CCDC80: variants seen among roughly 807,000 people sequenced by gnomAD.
The protein encoded by CCDC80 is coiled-coil domain-containing protein 80.
CCDC80 carries 49 observed loss-of-function variants against 78.7 expected under a neutral mutation model. That is an observed-to-expected ratio of 0.62 (90% CI 0.50 to 0.79). The LOEUF (loss-of-function observed/expected upper bound fraction) is 0.79, where lower values mean the gene tolerates loss of function less well. CCDC80 is among the 30% of genes least tolerant of loss of function. The pLI is 0.00. For synonymous variants in CCDC80, 488 were observed against 447.0 expected (o/e 1.09, Z -1.16); for missense variants, 1,205 against 1,198.6 (o/e 1.01, Z -0.08).
At chr3:112,622,714 G>C (rs544446992) in intron 3 of CCDC80, among the ~76,000 whole-genome samples, 50 of 152,036 alleles carry the variant, frequency 3.3e-4, no homozygotes, top group South Asian at 1.9e-3. Flanking sequence ...GGAGTGCAGT[G>C]GTGCAATCTT....
intron 6 of CCDC80, among the ~76,000 whole-genome samples, chr3:112,609,389 G>T (rs748157676): frequency 6.6e-6 from 1 of 152,066 alleles, no homozygotes; most frequent in Non-Finnish European, 1.5e-5. Context: ...TCTTTGGCCT[G>T]CTTGTCTTTA....
chr3:112,607,087 A>C, intron 7 of CCDC80, 89 bp downstream of exon 7: 106 of 930,618 alleles, frequency 1.1e-4, no homozygotes, highest in Middle Eastern at 2.2e-4. Flanking sequence ...TGTTCACCTT[A>C]GAGATACACC....
At position 112,601,751 on chromosome 3, in the gene CCDC80, T is replaced by G. The variant is rs1472144177; in HGVS notation, c.*3666A>C. The G allele has an allele frequency of 6.6e-6, 1 of 151,714 alleles. No individual in the cohort carries two copies. Among genetic ancestry groups the G allele is most frequent in the Non-Finnish European group, 1.5e-5 (1 of 68,002 alleles). 9.4% of individuals were successfully genotyped at this position (151,714 alleles called of 1,614,324 possible). Reference sequence around the variant, plus strand: ...GGAGGGAGGAAGGGAGAAAGTTTACTTTGATATGCCATATGATTGAAACAA... The same window carrying G: ...GGAGGGAGGAAGGGAGAAAGTTTACGTTGATATGCCATATGATTGAAACAA... On this transcript the variant is annotated 3_prime_UTR_variant, in exon 8 of 8. Coordinates refer to ENST00000206423, the MANE Select transcript of CCDC80 (RefSeq NM_199511.3).
chr3:112,638,865 G>A lies in CCDC80; in HGVS notation c.1041C>T (p.Thr347=). The A allele has an allele frequency of 6.2e-7, 1 of 1,613,674 alleles. No individual in the cohort carries two copies. Residue 347 remains threonine (T), a synonymous_variant, in exon 2 of 8, where the codon ACC becomes ACT. Coordinates refer to ENST00000206423, the MANE Select transcript of CCDC80 (RefSeq NM_199511.3). ...CAGGAGGAAGGGTGGTGGCTCTGGGGGTTGAGGGAGGTTGGGGCAAAGCTG... is the reference window on the plus strand; with the variant it reads ...CAGGAGGAAGGGTGGTGGCTCTGGGAGTTGAGGGAGGTTGGGGCAAAGCTG... ...TAPALPQPPS[T]PRATTLPPAP...
In CCDC80 at chr3:112,638,540, T is replaced by C; in HGVS notation, c.1366A>G (p.Arg456Gly). ...CGGAAACGGCCTGGGCCAGCAGCCC[T>C]TGTGCTGGGTTCTGAGATGGTGGTG... Reference protein sequence around the residue: ...PPTTISEPSTRAAGPGRFRDN... With the variant: ...PPTTISEPSTGAAGPGRFRDN... The change falls in exon 2 of 8, where the codon AGG becomes GGG. Residue 456 changes from arginine (R) to glycine (G), a missense_variant. Coordinates refer to ENST00000206423, the MANE Select transcript of CCDC80 (RefSeq NM_199511.3). 3 of 1,614,040 alleles carry C rather than the reference T, an allele frequency of 1.9e-6. No individual in the cohort carries two copies. Among genetic ancestry groups the C allele is most frequent in the Non-Finnish European group, 2.5e-6 (3 of 1,179,994 alleles).
At chr3:112,610,181 GC>G in intron 5 of CCDC80, 100 bp from the exon 6 acceptor site, 2 of 962,042 alleles carry the variant, frequency 2.1e-6, no homozygotes, top group African/African-American at 1.7e-5. Context: ...TTTTTTCTGT[GC>G]CCAGAAAAAA....
chr3:112,618,237 T>C (rs1279786050), intron 4 of CCDC80, among the ~76,000 whole-genome samples: 1 of 152,172 alleles, frequency 6.6e-6, no homozygotes, highest in African/African-American at 2.4e-5. Context: ...CCCCAAACTT[T>C]TGGCAGGGCG....
At chr3:112,613,903 T>A (rs1935682631) in intron 5 of CCDC80, among the ~76,000 whole-genome samples, 1 of 151,752 alleles carries the variant, frequency 6.6e-6, no homozygotes. Context: ...TATATGTATA[T>A]AAATATATTA....
At chr3:112,608,409 A>G (rs1935556469) in intron 6 of CCDC80, among the ~76,000 whole-genome samples, 1 of 152,120 alleles carries the variant, frequency 6.6e-6, no homozygotes, top group Non-Finnish European at 1.5e-5. Flanking sequence ...TGTTCTACAT[A>G]TTGGTTAGTC....
At chr3:112,622,748 G>A (rs1935891807) in intron 3 of CCDC80, among the ~76,000 whole-genome samples, 1 of 151,710 alleles carries the variant, frequency 6.6e-6, no homozygotes. Flanking sequence ...CTCTGCCTCT[G>A]CGGTTCAAGT....
In CCDC80 at chr3:112,597,476, G is replaced by A. The variant is rs1481677404; in HGVS notation, c.*7941C>T. On this transcript the variant is annotated 3_prime_UTR_variant, in exon 8 of 8. Transcript: ENST00000206423. Reference sequence around the variant, plus strand: ...AGTGCAAGTCTAGGTATATTCTCTAGTTTCAATCTTGGTGAAATTTTTTTC... The same window carrying A: ...AGTGCAAGTCTAGGTATATTCTCTAATTTCAATCTTGGTGAAATTTTTTTC... 10 of 151,828 alleles carry A rather than the reference G, an allele frequency of 6.6e-5. No homozygotes were observed. Among genetic ancestry groups the A allele is most frequent in the Admixed American group, 6.6e-4 (10 of 15,258 alleles). The allele number at this position is 151,828 out of a possible 1,614,324, so 9.4% of individuals were successfully genotyped here.
intron 6 of CCDC80, among the ~76,000 whole-genome samples, chr3:112,609,688 CTG>C (rs1255078403): frequency 1.3e-5 from 2 of 148,432 alleles, no homozygotes; most frequent in Admixed American, 6.7e-5. Flanking sequence ...TAAAAAAAAA[CTG>C]AAGATAAATG....
At chr3:112,619,219 T>C in intron 3 of CCDC80, 115 bp from the exon 4 acceptor site, 1 of 933,760 alleles carries the variant, frequency 1.1e-6, no homozygotes, top group East Asian at 3.0e-5. Context: ...TTTTATATAT[T>C]CAACTCACGT....
In CCDC80 at chr3:112,600,644, GACAC is replaced by G. The variant is rs1450054543; in HGVS notation, c.*4769_*4772del. On this transcript the variant is annotated 3_prime_UTR_variant, in exon 8 of 8. Transcript: ENST00000206423. Reference sequence around the variant, plus strand: ...AGCCTCCTGAATAGCTGGGACCACAGACACACACCACCTTACCCAGCTAATTTTT... The same window carrying G: ...AGCCTCCTGAATAGCTGGGACCACAGACACCACCTTACCCAGCTAATTTTT... 6.6e-6 allele frequency: 1 copy of G among 152,342 alleles called. No homozygotes were observed. Among genetic ancestry groups the G allele is most frequent in the Non-Finnish European group, 1.5e-5 (1 of 68,246 alleles). The allele number at this position is 152,342 out of a possible 1,614,324, so 9.4% of individuals were successfully genotyped here.
chr3:112,609,092 C>T (rs960112109), intron 6 of CCDC80, among the ~76,000 whole-genome samples: 1 of 150,848 alleles, frequency 6.6e-6, no homozygotes, highest in Non-Finnish European at 1.5e-5. Context: ...CTTCCCCCTG[C>T]CCCTGCCCCT....
At chr3:112,609,937 A>C (rs368585913) in intron 6 of CCDC80, 41 bp downstream of exon 6, 7 of 1,339,566 alleles carry the variant, frequency 5.2e-6, no homozygotes, top group Non-Finnish European at 7.5e-6. Context: ...CCAGGAGGAG[A>C]GTGGTATGGG....
chr3:112,632,591 T>C (rs1362111443), intron 2 of CCDC80, among the ~76,000 whole-genome samples: 1 of 152,160 alleles, frequency 6.6e-6, no homozygotes, highest in Non-Finnish European at 1.5e-5. Flanking sequence ...CTCCCCCTTG[T>C]GTATATTAAG....
At chr3:112,617,617 T>C (rs561121860) in intron 4 of CCDC80, among the ~76,000 whole-genome samples, 1 of 152,386 alleles carries the variant, frequency 6.6e-6, no homozygotes, top group Non-Finnish European at 1.5e-5. Context: ...AGACAACATG[T>C]GTGCAGAATT....
At chr3:112,628,830 C>A (rs960866929) in intron 3 of CCDC80, among the ~76,000 whole-genome samples, 13 of 152,094 alleles carry the variant, frequency 8.5e-5, no homozygotes, top group African/African-American at 3.1e-4. Flanking sequence ...TCTTTTGTAG[C>A]CACCTCAGAG....
Sources: gnomAD v4.1 joint callset for allele counts (sites outside exome capture counted in the v4.1 genomes callset) on GRCh38, gnomAD v4.1.1 for gene constraint, MANE v1.5 for transcripts, NCBI Gene and HGNC (gene_info 2026-07-23, HGNC 2026-07-21) for gene names.